DDB1: variants seen among roughly 807,000 people sequenced by gnomAD.
DDB1 encodes the protein damage specific DNA binding protein 1, also known as DNA damage-binding protein 1.
In DDB1, 18 loss-of-function variants were observed where a neutral mutation model predicts 133.1. That is an observed-to-expected ratio of 0.14 (90% CI 0.09 to 0.20). The LOEUF (loss-of-function observed/expected upper bound fraction) is 0.20. Among genes scored for constraint, DDB1 ranks in the 10% least tolerant of loss-of-function variants. DDB1 has a pLI of 1.00. For missense variants in DDB1, 828 were observed against 1,459.2 expected, an observed-to-expected ratio of 0.57 and a Z score of 7.05; for synonymous variants, 580 against 550.5, an observed-to-expected ratio of 1.05 and a Z score of -0.75.
At chr11:61,322,220 T>G in intron 9 of DDB1, 76 bp downstream of exon 9, 1 of 1,174,432 alleles carries the variant, frequency 8.5e-7, no homozygotes, top group Non-Finnish European at 1.3e-6. Flanking sequence ...ACCCTCCCCA[T>G]TCTAGATAAG....
Position 61,313,484 on chromosome 11 carries a change from G to A in DDB1, c.2069+15C>T, listed in dbSNP as rs2134911155. 6.2e-7 allele frequency: 1 copy of A among 1,609,774 alleles called. No homozygotes were observed. Among genetic ancestry groups the A allele is most frequent in the East Asian group, 2.2e-5 (1 of 44,870 alleles). Reference sequence around the variant, plus strand: ...CAATCAATAGCTCTCATTAAATAAGGAAAAAGAGACTCACCTGTCAGGATA... The same window carrying A: ...CAATCAATAGCTCTCATTAAATAAGAAAAAAGAGACTCACCTGTCAGGATA... On this transcript the variant is annotated intron_variant, in intron 16 of 26. Coordinates refer to ENST00000301764, the MANE Select transcript of DDB1 (RefSeq NM_001923.5).
rs908416507 is a variant in DDB1 at position 61,329,938 on chromosome 11, G to A, written c.327+20C>T. 1.3e-6 allele frequency: 2 copies of A among 1,597,008 alleles called. No homozygotes were observed. The highest frequency in any genetic ancestry group is 2.7e-5 in the African/African-American group (2 of 74,442). ...AGCCCTACTTAGAAAACTTTCATTG[G>A]CCTAAAGCAGCCACCTCACCTGGAC... On this transcript the variant is annotated intron_variant, in intron 3 of 26. Transcript: ENST00000301764.
intron 21 of DDB1, among the ~76,000 whole-genome samples, chr11:61,305,357 A>C (rs1403561061): frequency 6.6e-6 from 1 of 152,130 alleles, no homozygotes; most frequent in Non-Finnish European, 1.5e-5. Flanking sequence ...AAATATAAAA[A>C]TCAGCTGGGC....
chr11:61,330,688 G>C (rs1486780889), intron 2 of DDB1, among the ~76,000 whole-genome samples: 5 of 151,696 alleles, frequency 3.3e-5, no homozygotes, highest in Admixed American at 6.6e-5. Flanking sequence ...TTTGGAGATG[G>C]AGTCTCGCTC....
At chr11:61,318,755 T>G (rs1194029504) in intron 10 of DDB1, among the ~76,000 whole-genome samples, 1 of 152,252 alleles carries the variant, frequency 6.6e-6, no homozygotes, top group Non-Finnish European at 1.5e-5. Flanking sequence ...TTGGCTTCTG[T>G]ACTTTGAGTC....
chr11:61,302,571 G>A lies in DDB1; in HGVS notation c.3112+11C>T. The A allele has an allele frequency of 6.2e-7, 1 of 1,614,046 alleles. No individual in the cohort carries two copies. On this transcript the variant is annotated intron_variant, in intron 24 of 26. Transcript: ENST00000301764. Reference sequence around the variant, plus strand: ...CCTGTGTGGGGGTGTGCCCCACAGGGGTGACCTTACCTATCATGCCGTTGA... The same window carrying A: ...CCTGTGTGGGGGTGTGCCCCACAGGAGTGACCTTACCTATCATGCCGTTGA...
chr11:61,328,897 T>C (rs1291521669), intron 4 of DDB1, among the ~76,000 whole-genome samples: 1 of 151,922 alleles, frequency 6.6e-6, no homozygotes. Context: ...AAAATTAAAA[T>C]AAGCCAGCAA....
At chr11:61,303,273 T>C (rs1329277522) in intron 22 of DDB1, 118 bp from the exon 23 acceptor site, 1 of 900,230 alleles carries the variant, frequency 1.1e-6, no homozygotes, top group South Asian at 1.5e-5. Context: ...AGATATAGCA[T>C]GGTGTTCAAC....
At chr11:61,310,198 G>A in intron 19 of DDB1, 97 bp downstream of exon 19, 1 of 1,518,064 alleles carries the variant, frequency 6.6e-7, no homozygotes, top group East Asian at 2.3e-5. Context: ...TCCTAGGACA[G>A]TCTGCCACAT....
Position 61,326,766 on chromosome 11 carries a change from A to T in DDB1, c.664+13T>A. 1 of 1,611,130 alleles carries T rather than the reference A, an allele frequency of 6.2e-7. No homozygotes were observed. The highest frequency in any genetic ancestry group is 8.5e-7 in the Non-Finnish European group (1 of 1,177,402). ...ACCCAGGTGGAGGCACATTTCCTAAACCCCCTACCAACCTGCGATCACCAT... is the reference window on the plus strand; with the variant it reads ...ACCCAGGTGGAGGCACATTTCCTAATCCCCCTACCAACCTGCGATCACCAT... On this transcript the variant is annotated intron_variant, in intron 5 of 26. Coordinates refer to ENST00000301764, the MANE Select transcript of DDB1 (RefSeq NM_001923.5).
intron 21 of DDB1, 67 bp downstream of exon 21, chr11:61,308,915 TA>T: frequency 6.6e-7 from 1 of 1,510,398 alleles, no homozygotes; most frequent in Non-Finnish European, 9.2e-7. Flanking sequence ...CCAGACAACC[TA>T]AGAGAGACAC....
chr11:61,300,718 TGAG>T (rs1032923562), intron 26 of DDB1, 88 bp downstream of exon 26: 24 of 1,555,634 alleles, frequency 1.5e-5, no homozygotes, highest in East Asian at 4.5e-5. Context: ...ATCTTGGAAC[TGAG>T]GAGGAGAGGT....
intron 6 of DDB1, among the ~76,000 whole-genome samples, 153 bp downstream of exon 6, chr11:61,325,458 G>C (rs996476391): frequency 1.3e-5 from 2 of 152,148 alleles, no homozygotes; most frequent in African/African-American, 4.8e-5. Flanking sequence ...ATCTCTCTCT[G>C]TATTCCCAAT....
chr11:61,300,326 T>C, intron 26 of DDB1, 107 bp from the exon 27 acceptor site: 1 of 1,192,248 alleles, frequency 8.4e-7, no homozygotes, highest in East Asian at 2.5e-5. Flanking sequence ...ACCATTGTCA[T>C]GGCAGAGGAA....
intron 1 of DDB1, chr11:61,331,971 A>C: frequency 2.9e-6 from 1 of 343,150 alleles, no homozygotes; most frequent in Non-Finnish European, 5.5e-6. Context: ...ATCCCTTCTC[A>C]TGCCTCTTGC....
chr11:61,313,255 G>A (rs1475581236), intron 16 of DDB1, among the ~76,000 whole-genome samples: 3 of 152,198 alleles, frequency 2.0e-5, no homozygotes, highest in African/African-American at 7.2e-5. Flanking sequence ...CACCTGATAA[G>A]TTTTCTGAAA....
At chr11:61,322,465 C>T in intron 8 of DDB1, 53 bp from the exon 9 acceptor site, 1 of 1,326,218 alleles carries the variant, frequency 7.5e-7, no homozygotes, top group Non-Finnish European at 1.1e-6. Flanking sequence ...AACAGACCCA[C>T]CCAAAAGAGA....
chr11:61,315,720 G>A (rs1856051426), intron 12 of DDB1: 1 of 152,702 alleles, frequency 6.5e-6, no homozygotes, highest in African/African-American at 2.4e-5. Flanking sequence ...GGGTGGAAGG[G>A]TGTCAGAAAT....
At chr11:61,314,021 A>G (rs998723014) in intron 14 of DDB1, 26 bp downstream of exon 14, 5 of 1,614,008 alleles carry the variant, frequency 3.1e-6, no homozygotes, top group Non-Finnish European at 4.2e-6. Context: ...ACTCTGTCCC[A>G]ACCCAGGTCC....
Sources: allele counts gnomAD v4.1 joint callset (sites outside exome capture counted in the v4.1 genomes callset), GRCh38; gene constraint gnomAD v4.1.1; transcripts MANE v1.5; gene names NCBI Gene and HGNC (gene_info 2026-07-23, HGNC 2026-07-21).